Variants in TRAK1 observed in about 807,000 individuals in gnomAD.
The protein encoded by TRAK1 is trafficking kinesin-binding protein 1.
A neutral mutation model predicts 92.1 loss-of-function variants in TRAK1; 33 were observed. That is an observed-to-expected ratio of 0.36 (90% CI 0.27 to 0.48). The LOEUF is 0.48. Ranked by LOEUF, TRAK1 falls within the 20% of genes least tolerant of loss-of-function variation. The pLI, the probability that TRAK1 is intolerant of heterozygous loss-of-function variation, is 0.99. For missense variants in TRAK1, 1,123 were observed against 1,257.9 expected (o/e 0.89, Z 1.62); for synonymous variants, 521 against 517.3 (o/e 1.01, Z -0.10).
chr3:42,019,629 C>T (rs1230467521), intron 1 of TRAK1, among the ~76,000 whole-genome samples: 1 of 152,094 alleles, frequency 6.6e-6, no homozygotes, highest in Non-Finnish European at 1.5e-5. Flanking sequence ...TGCTAACATT[C>T]TGTAAGCTCT....
intron 1 of TRAK1, among the ~76,000 whole-genome samples, chr3:42,078,417 A>G (rs773714942): frequency 6.6e-6 from 1 of 152,186 alleles, no homozygotes; most frequent in Non-Finnish European, 1.5e-5. Flanking sequence ...CCGTGTTTTG[A>G]GCCTGTAAAA....
intron 2 of TRAK1, among the ~76,000 whole-genome samples, chr3:42,136,062 T>G (rs1420798935): frequency 6.6e-6 from 1 of 152,194 alleles, no homozygotes; most frequent in Non-Finnish European, 1.5e-5. Context: ...AGTTTGTACC[T>G]CAGTCCTGGT....
At chr3:42,214,564 C>T (rs977877836) in intron 14 of TRAK1, among the ~76,000 whole-genome samples, 2 of 152,234 alleles carry the variant, frequency 1.3e-5, no homozygotes, top group African/African-American at 4.8e-5. Context: ...ACCCTCTCTG[C>T]ACAATGCTGT....
intron 1 of TRAK1, among the ~76,000 whole-genome samples, chr3:42,054,525 A>G (rs1165524449): frequency 6.6e-6 from 1 of 152,202 alleles, no homozygotes; most frequent in Non-Finnish European, 1.5e-5. Flanking sequence ...ATATAGCCAG[A>G]CCAAGAACCA....
intron 2 of TRAK1, among the ~76,000 whole-genome samples, chr3:42,166,258 A>G (rs1017972708): frequency 3.9e-5 from 6 of 152,214 alleles, no homozygotes; most frequent in African/African-American, 1.4e-4. Context: ...ATGGGACAGT[A>G]GTAATACTTT....
intron 1 of TRAK1, among the ~76,000 whole-genome samples, chr3:42,046,133 C>T (rs927991779): frequency 5.9e-5 from 9 of 152,066 alleles, no homozygotes; most frequent in Non-Finnish European, 1.3e-4. Flanking sequence ...CTATGTCAGG[C>T]CGGTATCTAA....
chr3:42,169,861 C>T (rs1368583324), intron 2 of TRAK1, among the ~76,000 whole-genome samples: 1 of 152,098 alleles, frequency 6.6e-6, no homozygotes, highest in Non-Finnish European at 1.5e-5. Context: ...ACAGATTTTA[C>T]AAAAGTGGGC....
intron 2 of TRAK1, among the ~76,000 whole-genome samples, chr3:42,143,818 G>GTCAGATAGACTTGGATTTTAATTGTGAA (rs1699000316): frequency 6.6e-6 from 1 of 152,186 alleles, no homozygotes; most frequent in Non-Finnish European, 1.5e-5. Context: ...TGGATTTGAT[G>GTCAGATAGACTTGGATTTTAATTGTGAA]TCAGATAGAC....
At chr3:42,174,323 A>G (rs987414743) in intron 2 of TRAK1, among the ~76,000 whole-genome samples, 1 of 152,372 alleles carries the variant, frequency 6.6e-6, no homozygotes, top group Middle Eastern at 3.4e-3. Flanking sequence ...AGGTAATAAA[A>G]TTACATAGAG....
intron 2 of TRAK1, among the ~76,000 whole-genome samples, chr3:42,132,619 C>A (rs1232098527): frequency 6.6e-6 from 1 of 151,990 alleles, no homozygotes; most frequent in Non-Finnish European, 1.5e-5. Context: ...TATTTTTGAT[C>A]CGTGGTGGAT....
chr3:42,067,233 G>A (rs963568036), intron 1 of TRAK1, among the ~76,000 whole-genome samples: 1 of 152,158 alleles, frequency 6.6e-6, no homozygotes, highest in African/African-American at 2.4e-5. Flanking sequence ...TTTTTCACAC[G>A]AGCCTGAAGG....
chr3:42,070,081 A>G (rs574784720), intron 1 of TRAK1, among the ~76,000 whole-genome samples: 1 of 151,706 alleles, frequency 6.6e-6, no homozygotes, highest in African/African-American at 2.4e-5. Flanking sequence ...CAAACTCTGG[A>G]CCTCAGGTGA....
chr3:42,085,369 A>G (rs147920946), upstream of TRAK1, among the ~76,000 whole-genome samples: 62 of 152,286 alleles, frequency 4.1e-4, no homozygotes, highest in Non-Finnish European at 4.0e-4. Flanking sequence ...GGGTTTCACC[A>G]TGTTGTCCAG....
chr3:42,144,417 C>T lies in TRAK1; in HGVS notation c.286+18803C>T, dbSNP rs1415944272. Among the ~76,000 whole-genome samples the T allele has an allele frequency of 2.0e-5, 3 of 152,180 alleles. No individual in the cohort carries two copies. The South Asian group carries it at 6.2e-4, about 32-fold the overall frequency. ...CTCTGTGGAATGTATTATAATCACC[C>T]CCATTTAGCAGATGAGACTGATGTT... On this transcript the variant is annotated intron_variant, in intron 2 of 15. Coordinates refer to ENST00000327628, the MANE Select transcript of TRAK1 (RefSeq NM_001042646.3).
At chr3:42,093,689 C>T (rs796212815) in intron 1 of TRAK1, among the ~76,000 whole-genome samples, 498 of 23,640 alleles carry the variant, frequency 0.021, no homozygotes, top group Non-Finnish European at 0.029. Context: ...CCCCTCCCCT[C>T]CCCTCCCCTC....
At chr3:42,063,573 C>A (rs1703543846) in intron 1 of TRAK1, among the ~76,000 whole-genome samples, 1 of 151,992 alleles carries the variant, frequency 6.6e-6, no homozygotes, top group African/African-American at 2.4e-5. Context: ...GTAGCCCCGT[C>A]TCCTTGGGAG....
rs373182393 is a variant in TRAK1 at position 42,223,385 on chromosome 3, C to T, written c.2510C>T (p.Ser837Phe). ...AGCAGCGAGAGCCAGACCGACGTGTCCGTCTCCAACCTCAACCTCGTGGAC... is the reference window on the plus strand; with the variant it reads ...AGCAGCGAGAGCCAGACCGACGTGTTCGTCTCCAACCTCAACCTCGTGGAC... Reference protein sequence around the residue: ...VRSSESQTDVSVSNLNLVDKV... With the variant: ...VRSSESQTDVFVSNLNLVDKV... Residue 837 changes from serine to phenylalanine, a missense_variant, in exon 16 of 16, where the codon TCC becomes TTC. Ser to Phe is a radical substitution (Grantham distance 155). This residue lies in a region of TRAK1 where 401 missense variants were observed against 438.9 expected (regional missense o/e 0.91). Transcript: ENST00000327628. The surrounding 1 kb of genome is among the most constrained non-coding windows in gnomAD (Gnocchi z 6.1). 9.3e-6 allele frequency: 15 copies of T among 1,614,116 alleles called. No homozygotes were observed. The highest frequency in any genetic ancestry group is 1.3e-5 in the Non-Finnish European group (15 of 1,180,042).
In TRAK1 at chr3:42,194,838, T is replaced by C. The variant is rs774989973; in HGVS notation, c.1010T>C (p.Met337Thr). The change falls in exon 10 of 16, where the codon ATG becomes ACG. Residue 337 changes from methionine to threonine, a missense_variant. Met to Thr is a moderately conservative substitution (Grantham distance 81). This residue lies in a region of TRAK1 where 686 missense variants were observed against 747.6 expected (regional missense o/e 0.92). Transcript: ENST00000327628. ...RELEDKYAEC[M>T]EMLHEAQEEL... ...CTGGAGGACAAGTACGCAGAGTGCA[T>C]GGAGATGCTGCATGAGGCGCAGGAG... 5 of 1,613,782 alleles carry C rather than the reference T, an allele frequency of 3.1e-6. No individual in the cohort carries two copies. The East Asian group carries it at 1.1e-4, about 36-fold the overall frequency.
chr3:42,139,345 C>T (rs1698381655), intron 2 of TRAK1, among the ~76,000 whole-genome samples: 1 of 152,100 alleles, frequency 6.6e-6, no homozygotes, highest in African/African-American at 2.4e-5. Context: ...CAGACGTCTG[C>T]AGGATCAAAG....
Sources: allele counts gnomAD v4.1 joint callset (sites outside exome capture counted in the v4.1 genomes callset), GRCh38; gene constraint gnomAD v4.1.1; regional missense constraint gnomAD v4.1.1; non-coding constraint Gnocchi (gnomAD v3.1); transcripts MANE v1.5; gene names NCBI Gene and HGNC (gene_info 2026-07-23, HGNC 2026-07-21).